Variants in XKR4 observed in about 807,000 individuals in gnomAD.
The protein encoded by XKR4 is XK related 4.
In XKR4, 12 loss-of-function variants were observed where a neutral mutation model predicts 53.9. The observed-to-expected ratio is 0.22, with a 90% CI of 0.14 to 0.36. The LOEUF is 0.36. Ranked by LOEUF, XKR4 falls within the 10% of genes least tolerant of loss-of-function variation. The pLI, the probability that XKR4 is intolerant of heterozygous loss-of-function variation, is 1.00. For synonymous variants in XKR4, 354 were observed against 362.4 expected, an observed-to-expected ratio of 0.98 and a Z score of 0.26; for missense variants, 799 against 859.5, an observed-to-expected ratio of 0.93 and a Z score of 0.88.
intron 1 of XKR4, among the ~76,000 whole-genome samples, chr8:55,208,639 G>A (rs531473257): frequency 6.6e-6 from 1 of 151,724 alleles, no homozygotes; most frequent in South Asian, 2.1e-4. Context: ...GCTAATTTTT[G>A]TATTTTTAGT....
At chr8:55,491,853 T>C (rs1215929268) in intron 2 of XKR4, among the ~76,000 whole-genome samples, 1 of 152,174 alleles carries the variant, frequency 6.6e-6, no homozygotes, top group Non-Finnish European at 1.5e-5. Context: ...GCTCTGAGAA[T>C]TGTTCCGTTT....
chr8:55,135,461 C>G (rs571853765), intron 1 of XKR4: 3 of 357,320 alleles, frequency 8.4e-6, no homozygotes, highest in Non-Finnish European at 1.7e-5. Context: ...ATCTAAGGGT[C>G]CCCCCAAATC....
intron 2 of XKR4, among the ~76,000 whole-genome samples, chr8:55,518,826 G>A (rs1328549641): frequency 6.6e-6 from 1 of 152,158 alleles, no homozygotes; most frequent in Non-Finnish European, 1.5e-5. Flanking sequence ...GTAGCTAAAG[G>A]ACAACCAGAC....
At chr8:55,230,970 T>C (rs1048549682) in intron 1 of XKR4, among the ~76,000 whole-genome samples, 21 of 152,150 alleles carry the variant, frequency 1.4e-4, no homozygotes, top group African/African-American at 5.1e-4. Flanking sequence ...TCAGTCTGAT[T>C]GTGTCTGAGC....
intron 2 of XKR4, among the ~76,000 whole-genome samples, chr8:55,428,367 C>T (rs1233954290): frequency 6.6e-6 from 1 of 152,164 alleles, no homozygotes; most frequent in African/African-American, 2.4e-5. Context: ...CCCCAAAAAG[C>T]CTGCGCTCTC....
intron 2 of XKR4, among the ~76,000 whole-genome samples, chr8:55,476,822 C>A (rs944388869): frequency 6.6e-6 from 1 of 152,040 alleles, no homozygotes; most frequent in African/African-American, 2.4e-5. Flanking sequence ...GATCAAACTG[C>A]AAGATGGTAG....
chr8:55,332,701 G>A (rs973151374), intron 1 of XKR4, among the ~76,000 whole-genome samples: 4 of 151,854 alleles, frequency 2.6e-5, no homozygotes, highest in Non-Finnish European at 4.4e-5. Flanking sequence ...TCTTGCTATG[G>A]GTTTAAGTTT....
In XKR4 at chr8:55,102,333, G is replaced by A; in HGVS notation, c.-156G>A. On this transcript the variant is annotated 5_prime_UTR_variant, in exon 1 of 3. Transcript: ENST00000327381. The surrounding 1 kb of genome is among the most constrained non-coding windows in gnomAD (Gnocchi z 5.1). Reference sequence around the variant, plus strand: ...GCGCCCAGCCCGGCGGGCGGCGGGCGGCGGCGGACGGCAGGCGAGCCGACG... The same window carrying A: ...GCGCCCAGCCCGGCGGGCGGCGGGCAGCGGCGGACGGCAGGCGAGCCGACG... 1 of 1,019,798 alleles carries A rather than the reference G, an allele frequency of 9.8e-7. No homozygotes were observed. Among genetic ancestry groups the A allele is most frequent in the Non-Finnish European group, 1.2e-6 (1 of 833,866 alleles). 63.2% of individuals were successfully genotyped at this position (1,019,798 alleles called of 1,614,324 possible). A position where few individuals can be genotyped will look rare whatever the true frequency, so the allele number is the denominator to read the frequency against.
At chr8:55,123,945 C>G (rs1816426945) in intron 1 of XKR4, among the ~76,000 whole-genome samples, 1 of 152,184 alleles carries the variant, frequency 6.6e-6, no homozygotes, top group Non-Finnish European at 1.5e-5. Context: ...TAGCATCCCC[C>G]TAATCTTGAC....
chr8:55,138,412 A>AG (rs1816659861), intron 1 of XKR4, among the ~76,000 whole-genome samples: 1 of 152,244 alleles, frequency 6.6e-6, no homozygotes, highest in Non-Finnish European at 1.5e-5. Flanking sequence ...GAGAAATGCG[A>AG]GAAGTTTTTA....
chr8:55,124,047 T>C (rs1704033281), intron 1 of XKR4, among the ~76,000 whole-genome samples: 1 of 151,856 alleles, frequency 6.6e-6, no homozygotes. Flanking sequence ...ACAAGGTGAG[T>C]TTTCTTGTCT....
intron 2 of XKR4, among the ~76,000 whole-genome samples, chr8:55,496,942 T>C (rs759723141): frequency 8.5e-5 from 13 of 152,198 alleles, no homozygotes; most frequent in Middle Eastern, 3.2e-3. Context: ...CTACCCAATC[T>C]GTCCCTTCAG....
chr8:55,203,374 G>T (rs11775095), intron 1 of XKR4, among the ~76,000 whole-genome samples: 67,531 of 152,022 alleles, frequency 0.44, 16,291 homozygotes, highest in Middle Eastern at 0.68. Flanking sequence ...ATGAATAAGA[G>T]TTGGCTTTAT....
intron 2 of XKR4, among the ~76,000 whole-genome samples, chr8:55,400,898 T>C (rs1326074500): frequency 6.6e-6 from 1 of 152,218 alleles, no homozygotes; most frequent in Non-Finnish European, 1.5e-5. Flanking sequence ...CTTAGTATCA[T>C]GAATGTGCTC....
At chr8:55,396,707 A>G (rs1227756767) in intron 2 of XKR4, among the ~76,000 whole-genome samples, 1 of 152,168 alleles carries the variant, frequency 6.6e-6, no homozygotes, top group Non-Finnish European at 1.5e-5. Context: ...TTCAAAGGAG[A>G]ATGGATTCTG....
rs184647492 is a variant in XKR4 at position 55,427,476 on chromosome 8, G to A, written c.1006+69599G>A. ...TCCCCCTGCCTCGACCTCCCAAAGTGCTGGGATTATAGGCATGAACCACCA... is the reference window on the plus strand; with the variant it reads ...TCCCCCTGCCTCGACCTCCCAAAGTACTGGGATTATAGGCATGAACCACCA... On this transcript the variant is annotated intron_variant, in intron 2 of 2. Transcript: ENST00000327381. Among the ~76,000 whole-genome samples, 982 of 152,212 alleles carry A rather than the reference G, an allele frequency of 6.5e-3. 15 individuals carry two copies. Among genetic ancestry groups the A allele is most frequent in the Non-Finnish European group, 3.8e-3 (260 of 68,004 alleles).
At chr8:55,523,214 G>A in intron 2 of XKR4, 67 bp from the exon 3 acceptor site, 1 of 1,394,566 alleles carries the variant, frequency 7.2e-7, no homozygotes. Context: ...CCCCAGCTCT[G>A]TGTGACTTCC....
intron 2 of XKR4, among the ~76,000 whole-genome samples, chr8:55,468,100 G>A (rs902375570): frequency 6.6e-6 from 1 of 152,054 alleles, no homozygotes; most frequent in African/African-American, 2.4e-5. Context: ...CATCACAGAA[G>A]ACAGGAACTA....
At chr8:55,192,226 C>T (rs1168502686) in intron 1 of XKR4, among the ~76,000 whole-genome samples, 1 of 140,282 alleles carries the variant, frequency 7.1e-6, no homozygotes, top group African/African-American at 2.6e-5. Context: ...ACAATTCTTA[C>T]AAAGTCCCTT....
Sources: gnomAD v4.1 joint callset for allele counts (sites outside exome capture counted in the v4.1 genomes callset) on GRCh38, gnomAD v4.1.1 for gene constraint, Gnocchi (gnomAD v3.1) non-coding constraint, MANE v1.5 for transcripts, NCBI Gene and HGNC (gene_info 2026-07-23, HGNC 2026-07-21) for gene names.